AP3S2: variants seen among roughly 807,000 people sequenced by gnomAD.
AP3S2 encodes the protein adaptor related protein complex 3 subunit sigma 2.
A neutral mutation model predicts 23.4 loss-of-function variants in AP3S2; 22 were observed. That is an observed-to-expected ratio of 0.94 (90% CI 0.67 to 1.34). AP3S2 has a LOEUF of 1.34. Ranked by LOEUF, AP3S2 falls within the 40% of genes most tolerant of loss-of-function variation. The probability of loss-of-function intolerance (pLI) is 0.00; values close to 1 mark genes in which losing one functional copy is unlikely to be tolerated. For synonymous variants in AP3S2, 86 were observed against 87.1 expected, an observed-to-expected ratio of 0.99 and a Z score of 0.07; for missense variants, 241 against 236.9, an observed-to-expected ratio of 1.02 and a Z score of -0.11.
chr15:89,867,959 C>G (rs539273323), intron 4 of AP3S2, among the ~76,000 whole-genome samples: 1 of 148,792 alleles, frequency 6.7e-6, no homozygotes, highest in Non-Finnish European at 1.5e-5. Flanking sequence ...CCGCCCCATC[C>G]GGCCAGCCGT....
intron 4 of AP3S2, among the ~76,000 whole-genome samples, chr15:89,868,631 C>CA (rs1896226627): frequency 8.5e-6 from 1 of 117,488 alleles, no homozygotes; most frequent in Non-Finnish European, 1.8e-5. Context: ...TCTGCCCGGC[C>CA]GCCCCTACTG....
intron 1 of AP3S2, 39 bp downstream of exon 1, chr15:89,893,842 G>A: frequency 6.5e-7 from 1 of 1,549,608 alleles, no homozygotes; most frequent in South Asian, 1.2e-5. Context: ...GACATAGTGG[G>A]CGCCCTGAAG....
intron 4 of AP3S2, among the ~76,000 whole-genome samples, chr15:89,842,324 G>C (rs905578587): frequency 2.0e-5 from 3 of 152,184 alleles, no homozygotes; most frequent in African/African-American, 7.2e-5. Flanking sequence ...AATATGTAAA[G>C]ATATGTTCAT....
rs1457493964 is a variant in AP3S2, at chr15:89,861,044, G to A, written c.345+10431C>T. On this transcript the variant is annotated intron_variant, in intron 4 of 5. Coordinates refer to ENST00000336418, the MANE Select transcript of AP3S2 (RefSeq NM_005829.5). Reference sequence around the variant, plus strand: ...GACATCTGCTTCAACGTCACAGGGTGTGGCAGGTATTAATGAGCTTTGTTA... The same window carrying A: ...GACATCTGCTTCAACGTCACAGGGTATGGCAGGTATTAATGAGCTTTGTTA... Among the ~76,000 whole-genome samples the A allele has an allele frequency of 2.0e-5, 3 of 152,328 alleles. No homozygotes were observed. In the East Asian group the frequency reaches 5.8e-4, roughly 29 times the overall value.
intron 4 of AP3S2, among the ~76,000 whole-genome samples, chr15:89,851,141 A>C (rs1451092524): frequency 6.6e-6 from 1 of 152,216 alleles, no homozygotes; most frequent in African/African-American, 2.4e-5. Flanking sequence ...TCAAGTAAGA[A>C]AGATTAAACA....
chr15:89,886,154 T>A (rs1896696593), intron 3 of AP3S2, among the ~76,000 whole-genome samples: 1 of 151,826 alleles, frequency 6.6e-6, no homozygotes, highest in South Asian at 2.1e-4. Flanking sequence ...ATCGAGACCA[T>A]CTTGGCCAAC....
intron 2 of AP3S2, 41 bp downstream of exon 2, chr15:89,889,008 C>T (rs1374314604): frequency 6.2e-7 from 1 of 1,609,462 alleles, no homozygotes; most frequent in Middle Eastern, 1.7e-4. Flanking sequence ...AGGCCACTCA[C>T]AAGTGGATAT....
chr15:89,885,785 CA>C (rs1039227731), intron 3 of AP3S2, among the ~76,000 whole-genome samples: 1 of 151,456 alleles, frequency 6.6e-6, no homozygotes, highest in African/African-American at 2.4e-5. Context: ...CTAAAAAATT[CA>C]AAAAATTAGC....
intron 4 of AP3S2, among the ~76,000 whole-genome samples, chr15:89,853,192 T>A (rs987246078): frequency 6.6e-6 from 1 of 152,128 alleles, no homozygotes; most frequent in African/African-American, 2.4e-5. Flanking sequence ...AAAAAATACA[T>A]TTTTAAATAT....
chr15:89,843,164 C>T (rs1336399706), intron 4 of AP3S2, among the ~76,000 whole-genome samples: 1 of 150,850 alleles, frequency 6.6e-6, no homozygotes, highest in Non-Finnish European at 1.5e-5. Context: ...TTGTATTTTT[C>T]GTAGAGATGG....
At chr15:89,874,160 T>C (rs1421066629) in intron 3 of AP3S2, among the ~76,000 whole-genome samples, 7 of 152,058 alleles carry the variant, frequency 4.6e-5, no homozygotes, top group Non-Finnish European at 1.0e-4. Flanking sequence ...TTCCTTTCTT[T>C]ATATGGTGTC....
intron 4 of AP3S2, among the ~76,000 whole-genome samples, chr15:89,858,533 GAAAGAAAGAAAGAAAGA>G (rs1895919847): frequency 1.9e-5 from 1 of 51,716 alleles, no homozygotes; most frequent in African/African-American, 6.5e-5. Flanking sequence ...GAGAAAGAAA[GAAAGAAAGAAAGAAAGA>G]AAGAAAGAAA....
At chr15:89,847,033 A>G (rs969406233) in intron 4 of AP3S2, among the ~76,000 whole-genome samples, 18 of 152,078 alleles carry the variant, frequency 1.2e-4, no homozygotes, top group African/African-American at 4.3e-4. Flanking sequence ...ACTTGCTTCT[A>G]TAACTGGACC....
At chr15:89,887,774 A>T (rs1249020555) in intron 3 of AP3S2, among the ~76,000 whole-genome samples, 1 of 152,154 alleles carries the variant, frequency 6.6e-6, no homozygotes, top group East Asian at 1.9e-4. Context: ...AGGTTCAAAT[A>T]ATTCTCCTGC....
intron 5 of AP3S2, among the ~76,000 whole-genome samples, 182 bp downstream of exon 5, chr15:89,837,433 C>G (rs1307306992): frequency 6.6e-6 from 1 of 152,174 alleles, no homozygotes. Flanking sequence ...AACTTGTTAC[C>G]TGTTTAATTT....
At position 89,849,085 on chromosome 15, in the gene AP3S2, G is replaced by A. The variant is rs531571093; in HGVS notation, c.346-11363C>T. ...CATATGGTAATTAGACTCAATGACT[G>A]TTGGCTGGATGTCTATGTAGGTGTA... On this transcript the variant is annotated intron_variant, in intron 4 of 5. Transcript: ENST00000336418. 4.6e-5 allele frequency: 7 copies of A among 152,232 alleles called. No individual in the cohort carries two copies. In the East Asian group the frequency reaches 1.4e-3, roughly 29 times the overall value. The allele number at this position is 152,232 out of a possible 1,614,324, so 9.4% of individuals were successfully genotyped here.
At chr15:89,859,809 G>A (rs1895969725) in intron 4 of AP3S2, among the ~76,000 whole-genome samples, 1 of 149,290 alleles carries the variant, frequency 6.7e-6, no homozygotes, top group Non-Finnish European at 1.5e-5. Flanking sequence ...TGTCACCCAG[G>A]CTGGAGTGCA....
At chr15:89,890,854 G>A (rs28722707) in intron 1 of AP3S2, among the ~76,000 whole-genome samples, 6,823 of 152,286 alleles carry the variant, frequency 0.045, 412 homozygotes, top group African/African-American at 0.14. Context: ...TGACTCACAT[G>A]GGTATGGAAT....
At chr15:89,852,056 G>A (rs1895668821) in intron 4 of AP3S2, among the ~76,000 whole-genome samples, 1 of 152,200 alleles carries the variant, frequency 6.6e-6, no homozygotes, top group African/African-American at 2.4e-5. Context: ...CAGCATTGCA[G>A]AGTGTAGAGG....
Sources: allele counts gnomAD v4.1 joint callset (sites outside exome capture counted in the v4.1 genomes callset), GRCh38; gene constraint gnomAD v4.1.1; transcripts MANE v1.5; gene names NCBI Gene and HGNC (gene_info 2026-07-23, HGNC 2026-07-21).